The following CCNY variants were observed in gnomAD, a reference collection of about 807,000 sequenced individuals.
The protein encoded by CCNY is cyclin-Y.
In CCNY, 19 loss-of-function variants were observed where a neutral mutation model predicts 42.8. That is an observed-to-expected ratio of 0.44 (90% CI 0.31 to 0.65). The LOEUF is 0.65. CCNY is among the 30% of genes least tolerant of loss of function. CCNY has a pLI of 0.07. For missense variants in CCNY, 370 were observed against 437.3 expected (o/e 0.85, Z 1.37); for synonymous variants, 165 against 162.7 (o/e 1.01, Z -0.11).
intron 1 of CCNY, among the ~76,000 whole-genome samples, chr10:35,389,233 A>G (rs1564392837): frequency 6.6e-6 from 1 of 152,014 alleles, no homozygotes; most frequent in African/African-American, 2.4e-5. Context: ...TATTGCTGCT[A>G]CTACTACTAC....
chr10:35,402,924 A>G (rs909564571), intron 1 of CCNY, among the ~76,000 whole-genome samples: 24 of 152,316 alleles, frequency 1.6e-4, no homozygotes, highest in African/African-American at 5.5e-4. Context: ...GGAAGGCTAA[A>G]CTGAAGAATT....
intron 2 of CCNY, among the ~76,000 whole-genome samples, chr10:35,486,128 T>A (rs1284214389): frequency 6.6e-6 from 1 of 152,224 alleles, no homozygotes; most frequent in Non-Finnish European, 1.5e-5. Context: ...GTTAACTTTC[T>A]GCATTTTCTA....
intron 3 of CCNY, among the ~76,000 whole-genome samples, chr10:35,300,252 C>A (rs1835517796): frequency 6.6e-6 from 1 of 152,232 alleles, no homozygotes; most frequent in Non-Finnish European, 1.5e-5. Flanking sequence ...AGCTGCCCTC[C>A]CTCATCCCTA....
chr10:35,513,399 C>T (rs1400495015), intron 3 of CCNY, among the ~76,000 whole-genome samples: 3 of 151,988 alleles, frequency 2.0e-5, no homozygotes, highest in Non-Finnish European at 4.4e-5. Flanking sequence ...AGGGTGATGC[C>T]CATCCTTTGC....
At chr10:35,413,697 C>T (rs987484448) in intron 1 of CCNY, among the ~76,000 whole-genome samples, 3 of 152,074 alleles carry the variant, frequency 2.0e-5, no homozygotes, top group African/African-American at 7.2e-5. Context: ...TGGAGGAGAG[C>T]GTTCAGCAGG....
intron 3 of CCNY, among the ~76,000 whole-genome samples, chr10:35,510,247 C>T (rs1263704590): frequency 6.6e-6 from 1 of 152,148 alleles, no homozygotes; most frequent in Admixed American, 6.5e-5. Flanking sequence ...CAAGGTTTCA[C>T]TCTGTCACTC....
chr10:35,541,518 C>T (rs1280269021), intron 7 of CCNY, among the ~76,000 whole-genome samples: 2 of 152,196 alleles, frequency 1.3e-5, no homozygotes, highest in African/African-American at 4.8e-5. Flanking sequence ...TCCCTGCAGC[C>T]TCCTGAGTAA....
Position 35,530,055 on chromosome 10 carries a change from A to C in CCNY, c.459+25A>C, listed in dbSNP as rs749531676. On this transcript the variant is annotated intron_variant, in intron 6 of 9. Coordinates refer to ENST00000374704, the MANE Select transcript of CCNY (RefSeq NM_145012.6). The surrounding 1 kb of genome is among the most constrained non-coding windows in gnomAD (Gnocchi z 4.3). Reference sequence around the variant, plus strand: ...GGTAATCTCCTCCGTGTGTTTCATGAGATGATTTAATTATTTCTCTTTTGC... The same window carrying C: ...GGTAATCTCCTCCGTGTGTTTCATGCGATGATTTAATTATTTCTCTTTTGC... 1.2e-6 allele frequency: 2 copies of C among 1,613,944 alleles called. No homozygotes were observed. Among genetic ancestry groups the C allele is most frequent in the East Asian group, 4.5e-5 (2 of 44,898 alleles).
intron 3 of CCNY, among the ~76,000 whole-genome samples, chr10:35,319,637 A>G (rs1025396950): frequency 2.0e-5 from 3 of 152,200 alleles, no homozygotes; most frequent in Non-Finnish European, 4.4e-5. Context: ...GCACTTTGGG[A>G]GGCCGAGGTG....
chr10:35,525,936 A>G lies in CCNY; in HGVS notation c.366-28A>G, dbSNP rs752172942. Reference sequence around the variant, plus strand: ...TAAGGTCTTGAATATGCTCATGGACACTGAACCTCTGCATTCTATTTTTAC... The same window carrying G: ...TAAGGTCTTGAATATGCTCATGGACGCTGAACCTCTGCATTCTATTTTTAC... On this transcript the variant is annotated intron_variant, in intron 4 of 9. Coordinates refer to ENST00000374704, the MANE Select transcript of CCNY (RefSeq NM_145012.6). 3.1e-6 allele frequency: 5 copies of G among 1,607,712 alleles called. No individual in the cohort carries two copies. In the Admixed American group the frequency reaches 8.5e-5, roughly 27 times the overall value.
At chr10:35,524,133 CT>C (rs1288622216) in intron 4 of CCNY, among the ~76,000 whole-genome samples, 1 of 152,200 alleles carries the variant, frequency 6.6e-6, no homozygotes, top group African/African-American at 2.4e-5. Flanking sequence ...GCCAGAAATC[CT>C]GGCAGCTACC....
At chr10:35,475,567 C>G (rs10827507) in intron 1 of CCNY, among the ~76,000 whole-genome samples, 3 of 148,088 alleles carry the variant, frequency 2.0e-5, no homozygotes, top group African/African-American at 7.8e-5. Context: ...GAAATAAAAT[C>G]CTTTACAGAC....
chr10:35,518,153 A>G (rs904821087), intron 4 of CCNY, among the ~76,000 whole-genome samples: 1 of 152,218 alleles, frequency 6.6e-6, no homozygotes, highest in Non-Finnish European at 1.5e-5. Flanking sequence ...TAAAATTGCC[A>G]CTGGCTGTGA....
intron 3 of CCNY, among the ~76,000 whole-genome samples, chr10:35,327,290 C>A (rs1287972006): frequency 6.6e-6 from 1 of 152,166 alleles, no homozygotes; most frequent in Admixed American, 6.5e-5. Flanking sequence ...TCTCTCTCAA[C>A]AATATTTCGT....
chr10:35,463,778 T>G (rs1839203132), intron 1 of CCNY, among the ~76,000 whole-genome samples: 1 of 152,238 alleles, frequency 6.6e-6, no homozygotes, highest in South Asian at 2.1e-4. Flanking sequence ...AGGCAAATGA[T>G]AAATACTTCC....
intron 8 of CCNY, among the ~76,000 whole-genome samples, chr10:35,558,492 A>G (rs1236298798): frequency 6.6e-6 from 1 of 152,230 alleles, no homozygotes; most frequent in Non-Finnish European, 1.5e-5. Flanking sequence ...GAGTCCTGTA[A>G]CAGATGCTAT....
chr10:35,297,854 T>C (rs1379422140), intron 3 of CCNY, among the ~76,000 whole-genome samples: 1 of 151,884 alleles, frequency 6.6e-6, no homozygotes, highest in Non-Finnish European at 1.5e-5. Flanking sequence ...CTCAAACAAA[T>C]GGAAAAAACA....
At chr10:35,372,885 A>T (rs1836969167) in intron 1 of CCNY, among the ~76,000 whole-genome samples, 1 of 152,056 alleles carries the variant, frequency 6.6e-6, no homozygotes, top group Non-Finnish European at 1.5e-5. Context: ...TTTTTTAGAG[A>T]CAGGGCTTCA....
intron 1 of CCNY, among the ~76,000 whole-genome samples, chr10:35,465,961 CTG>C (rs68166048): frequency 2.1e-4 from 20 of 94,588 alleles, no homozygotes; most frequent in Admixed American, 9.9e-4. Flanking sequence ...GTGTGTGTGT[CTG>C]TGTGTGTGTG....
Sources: allele counts gnomAD v4.1 joint callset (sites outside exome capture counted in the v4.1 genomes callset), GRCh38; gene constraint gnomAD v4.1.1; non-coding constraint Gnocchi (gnomAD v3.1); transcripts MANE v1.5; gene names NCBI Gene and HGNC (gene_info 2026-07-23, HGNC 2026-07-21).